PML: variants seen among roughly 807,000 people sequenced by gnomAD.
PML encodes the protein PML nuclear body scaffold.
Under a neutral mutation model 65.2 loss-of-function variants are expected in PML, and 28 were observed. The observed-to-expected ratio is 0.43, with a 90% CI of 0.32 to 0.59. The LOEUF (loss-of-function observed/expected upper bound fraction) is 0.59. Ranked by LOEUF, PML falls within the 20% of genes least tolerant of loss-of-function variation. The probability of loss-of-function intolerance (pLI) is 0.08; values close to 1 mark genes in which losing one functional copy is unlikely to be tolerated. For missense variants in PML, 1,021 were observed against 1,203.4 expected, an observed-to-expected ratio of 0.85 and a Z score of 2.24; for synonymous variants, 500 against 508.8, an observed-to-expected ratio of 0.98 and a Z score of 0.23.
In PML at chr15:74,044,438, C is replaced by T. The variant is rs750721742; in HGVS notation, c.2079C>T (p.Asp693=). The change falls in exon 9 of 9, where the codon GAC becomes GAT. Residue 693 remains aspartate, a synonymous_variant. Transcript: ENST00000268058. ...GLPNFFRALE[D]INRLWEFQEA... is the part of the protein sequence containing the mutation. Reference sequence around the variant, plus strand: ...CAAACTTCTTCCGGGCCCTGGAGGACATTAACAGGCTGTGGGAATTCCAGG... The same window carrying T: ...CAAACTTCTTCCGGGCCCTGGAGGATATTAACAGGCTGTGGGAATTCCAGG... 9 of 1,614,188 alleles carry T rather than the reference C, an allele frequency of 5.6e-6. No homozygotes were observed. The highest frequency in any genetic ancestry group is 5.5e-5 in the South Asian group (5 of 91,088).
chr15:74,033,518 G>T lies in PML; in HGVS notation c.1657+104G>T, dbSNP rs1213050981. The T allele has an allele frequency of 6.4e-6, 8 of 1,249,858 alleles. No homozygotes were observed. The South Asian group carries it at 9.7e-5, about 15-fold the overall frequency. 77.4% of individuals were successfully genotyped at this position (1,249,858 alleles called of 1,614,324 possible). ...CATCCAGAAAGCCCAAAGCCAACAG[G>T]AGTCCCTTATTCCCACTGAATAAGA... On this transcript the variant is annotated intron_variant, in intron 6 of 8. Transcript: ENST00000268058.
In PML at chr15:74,043,350, A is replaced by T; in HGVS notation, c.1861+211A>T. ...AGATGTCCGCCTTATCCAGTGCCTG[A>T]GTGTGCGAGAGAGGCAGATGCCTCC... On this transcript the variant is annotated intron_variant, in intron 8 of 8. Transcript: ENST00000268058. This position sits in a 1 kb window ranked among gnomAD's most constrained non-coding sequence, Gnocchi z 4.3. The T allele has an allele frequency of 6.9e-7, 1 of 1,444,760 alleles. No homozygotes were observed. Among genetic ancestry groups the T allele is most frequent in the Non-Finnish European group, 9.0e-7 (1 of 1,106,658 alleles). 89.5% of individuals were successfully genotyped at this position (1,444,760 alleles called of 1,614,324 possible).
chr15:74,038,934 T>C (rs771475108), intron 7 of PML, among the ~76,000 whole-genome samples: 34 of 152,014 alleles, frequency 2.2e-4, no homozygotes, highest in Non-Finnish European at 3.1e-4. Context: ...CCAGGCCTGG[T>C]TGTGGAGTAC....
At position 74,047,580 on chromosome 15, in the gene PML, A is replaced by T. The variant is rs535209311; in HGVS notation, c.*2572A>T. The T allele has an allele frequency of 4.6e-6, 1 of 215,556 alleles. No homozygotes were observed. Among genetic ancestry groups the T allele is most frequent in the East Asian group, 6.9e-5 (1 of 14,560 alleles). The allele number at this position is 215,556 out of a possible 1,614,324, so 13.4% of individuals were successfully genotyped here. ...CACTGAGTTTCAATCCTCACTTAGT[A>T]GTCTGTGGCCCTCTTTGGCACATTA... On this transcript the variant is annotated 3_prime_UTR_variant, in exon 9 of 9. Transcript: ENST00000268058.
At position 73,998,129 on chromosome 15, in the gene PML, C is replaced by T. The variant is rs1330663262; in HGVS notation, c.255C>T (p.Gly85=). The change falls in exon 2 of 9, where the codon GGC becomes GGT. Residue 85 remains glycine (G), a synonymous_variant. Transcript: ENST00000268058. ...TLCSGCLEAS[G]MQCPICQAPW... ...GCTCAGGATGCCTGGAGGCGTCGGGCATGCAGTGCCCCATCTGCCAGGCGC... is the reference window on the plus strand; with the variant it reads ...GCTCAGGATGCCTGGAGGCGTCGGGTATGCAGTGCCCCATCTGCCAGGCGC... The T allele has an allele frequency of 8.1e-6, 13 of 1,614,110 alleles. No individual in the cohort carries two copies. The highest frequency in any genetic ancestry group is 1.1e-5 in the Non-Finnish European group (13 of 1,180,036).
intron 7 of PML, among the ~76,000 whole-genome samples, chr15:74,040,897 C>T (rs780061907): frequency 6.6e-6 from 1 of 152,150 alleles, no homozygotes; most frequent in Non-Finnish European, 1.5e-5. Context: ...TCCCTGGCCC[C>T]GGGACAATGG....
At chr15:74,007,356 AAT>A (rs2070111257) in intron 2 of PML, among the ~76,000 whole-genome samples, 1 of 152,150 alleles carries the variant, frequency 6.6e-6, no homozygotes, top group African/African-American at 2.4e-5. Flanking sequence ...TGTCAGGTAC[AAT>A]GGGCAGGGAA....
intron 2 of PML, among the ~76,000 whole-genome samples, chr15:74,019,199 G>C (rs1298236489): frequency 6.6e-6 from 1 of 152,188 alleles, no homozygotes; most frequent in Non-Finnish European, 1.5e-5. Flanking sequence ...AAGAAGCTTA[G>C]AAAAAGGACC....
rs184766472 is a variant in PML, at chr15:73,999,018, A to C, written c.602+542A>C. Among the ~76,000 whole-genome samples, 7 of 152,352 alleles carry C rather than the reference A, an allele frequency of 4.6e-5. No individual in the cohort carries two copies. The East Asian group carries it at 1.3e-3, about 29-fold the overall frequency. On this transcript the variant is annotated intron_variant, in intron 2 of 8. Transcript: ENST00000268058. ...AATTATTTTTATTAAACAGATTTTA[A>C]CTCAGTTTTTTAATAGGTAATACAT...
intron 1 of PML, 88 bp downstream of exon 1, chr15:73,995,029 T>G: frequency 8.0e-7 from 1 of 1,244,592 alleles, no homozygotes. Context: ...AACGGAGGAT[T>G]TGGTCAAGTA....
At chr15:74,020,213 T>C (rs1463089530) in intron 2 of PML, among the ~76,000 whole-genome samples, 1 of 152,054 alleles carries the variant, frequency 6.6e-6, no homozygotes, top group Non-Finnish European at 1.5e-5. Context: ...CTGTTGGTGG[T>C]TCCAGAACAA....
rs543417635 is a variant in PML, at chr15:73,998,222, G to T, written c.348G>T (p.Leu116=). The change falls in exon 2 of 9, where the codon CTG becomes CTT. Residue 116 remains leucine, a synonymous_variant. Transcript: ENST00000268058. The part of the protein sequence containing the change: ...NVFFESLQRR[L]SVYRQIVDAQ... ...TTTTCGAGAGTCTGCAGCGGCGCCT[G>T]TCGGTGTACCGGCAGATTGTGGATG... The T allele has an allele frequency of 1.2e-6, 2 of 1,614,226 alleles. No homozygotes were observed. The highest frequency in any genetic ancestry group is 2.2e-5 in the South Asian group (2 of 91,090).
At position 74,043,221 on chromosome 15, in the gene PML, C is replaced by T; in HGVS notation, c.1861+82C>T. The T allele has an allele frequency of 1.2e-6, 2 of 1,612,508 alleles. No homozygotes were observed. Among genetic ancestry groups the T allele is most frequent in the Non-Finnish European group, 1.7e-6 (2 of 1,179,350 alleles). ...AAGAAGTGCAGGCAGAGCCATCTGC[C>T]AGGCCCAGGAGAGCTCTGAGCTCTG... is the stretch of plus-strand genomic sequence containing the variant. On this transcript the variant is annotated intron_variant, in intron 8 of 8. Transcript: ENST00000268058. The surrounding 1 kb of genome is among the most constrained non-coding windows in gnomAD (Gnocchi z 4.3).
Position 73,998,432 on chromosome 15 carries a change from C to T in PML, c.558C>T (p.Asn186=). The T allele has an allele frequency of 6.2e-7, 1 of 1,613,960 alleles. No individual in the cohort carries two copies. Among genetic ancestry groups the T allele is most frequent in the East Asian group, 2.2e-5 (1 of 44,894 alleles). ...EFLDGTRKTN[N]IFCSNPNHRT... ...TGGACGGCACCCGCAAGACCAACAACATCTTCTGCTCCAACCCCAACCACC... is the reference window on the plus strand; with the variant it reads ...TGGACGGCACCCGCAAGACCAACAATATCTTCTGCTCCAACCCCAACCACC... The change falls in exon 2 of 9, where the codon AAC becomes AAT. Residue 186 remains asparagine, a synonymous_variant. Coordinates refer to ENST00000268058, the MANE Select transcript of PML (RefSeq NM_033238.3).
rs1406582086 is a variant in PML at position 74,046,193 on chromosome 15, C to T, written c.*1185C>T. On this transcript the variant is annotated 3_prime_UTR_variant, in exon 9 of 9. Transcript: ENST00000268058. ...GAAAGCAGGCCTCTGAGGCAGTGGA[C>T]AGGAAGACTTCTCATCCTTGAATTC... 1 of 233,218 alleles carries T rather than the reference C, an allele frequency of 4.3e-6. No homozygotes were observed. The highest frequency in any genetic ancestry group is 8.5e-6 in the Non-Finnish European group (1 of 117,982). 14.4% of individuals were successfully genotyped at this position (233,218 alleles called of 1,614,324 possible).
chr15:74,033,752 A>T, intron 6 of PML: 1 of 595,444 alleles, frequency 1.7e-6, no homozygotes, highest in Admixed American at 2.8e-5. Flanking sequence ...GGGCTTGGGC[A>T]TACCATAACA....
At chr15:74,031,169 C>T (rs1367885503) in intron 4 of PML, 1 of 356,052 alleles carries the variant, frequency 2.8e-6, no homozygotes, top group Non-Finnish European at 5.7e-6. Context: ...CTGGCAACCA[C>T]CAATCTGCTT....
rs370974430 is a variant in PML, at chr15:74,000,374, T to A, written c.602+1898T>A. On this transcript the variant is annotated intron_variant, in intron 2 of 8. Transcript: ENST00000268058. The stretch of plus-strand genomic sequence containing the variant: ...AGGCTGGAGTGCAGTGCTGCACTCG[T>A]GGCTCACTGCAGCCTCAATCTCTTG... 2.6e-5 allele frequency among the ~76,000 whole-genome samples: 4 copies of A among 152,124 alleles called. No homozygotes were observed. The South Asian group carries it at 8.3e-4, about 32-fold the overall frequency.
chr15:74,036,426 G>A (rs749244140), intron 7 of PML: 138 of 1,287,688 alleles, frequency 1.1e-4, no homozygotes, highest in Non-Finnish European at 1.2e-4. Flanking sequence ...CGACCATCGC[G>A]TTCTCCGATG....
Sources: allele counts gnomAD v4.1 joint callset (sites outside exome capture counted in the v4.1 genomes callset), GRCh38; gene constraint gnomAD v4.1.1; non-coding constraint Gnocchi (gnomAD v3.1); transcripts MANE v1.5; gene names NCBI Gene and HGNC (gene_info 2026-07-23, HGNC 2026-07-21).